The following KIF26A variants were observed in gnomAD, a reference collection of about 807,000 sequenced individuals.
KIF26A encodes the protein kinesin family member 26A, also known as kinesin-like protein KIF26A.
In KIF26A, 74 loss-of-function variants were observed where a neutral mutation model predicts 126.0. The ratio of observed to expected loss-of-function variants is 0.59; its 90% CI spans 0.49 to 0.71. The LOEUF (loss-of-function observed/expected upper bound fraction) is 0.71. KIF26A is among the 30% of genes least tolerant of loss of function. KIF26A has a pLI of 0.00. For synonymous variants in KIF26A, 1,445 were observed against 1,232.7 expected, an observed-to-expected ratio of 1.17 and a Z score of -3.61; for missense variants, 2,984 against 2,763.3, an observed-to-expected ratio of 1.08 and a Z score of -1.79.
intron 2 of KIF26A, among the ~76,000 whole-genome samples, chr14:104,142,383 G>T (rs1271756524): frequency 6.6e-6 from 1 of 151,570 alleles, no homozygotes; most frequent in African/African-American, 2.4e-5. Flanking sequence ...CTCAGGCCTT[G>T]TCTCCGGGCT....
chr14:104,174,078 T>A, intron 10 of KIF26A, 70 bp from the exon 11 acceptor site: 1 of 1,456,256 alleles, frequency 6.9e-7, no homozygotes, highest in Non-Finnish European at 9.1e-7. Flanking sequence ...ATCCCAGGGC[T>A]GCCCTTGGCC....
chr14:104,155,183 C>G (rs974221347), intron 3 of KIF26A, among the ~76,000 whole-genome samples: 113 of 152,318 alleles, frequency 7.4e-4, no homozygotes, highest in African/African-American at 2.6e-3. Flanking sequence ...CTTTCTCCCC[C>G]ACTTCTCAGC....
intron 3 of KIF26A, among the ~76,000 whole-genome samples, chr14:104,153,891 G>A (rs1319244335): frequency 6.6e-6 from 1 of 151,980 alleles, no homozygotes; most frequent in Non-Finnish European, 1.5e-5. Context: ...GCCCCTTGCT[G>A]GGCAGCCCTG....
rs1286388125 is a variant in KIF26A, at chr14:104,151,930, T to G, written c.289-85T>G. On this transcript the variant is annotated intron_variant, in intron 2 of 14. Transcript: ENST00000423312. This position sits in a 1 kb window ranked among gnomAD's most constrained non-coding sequence, Gnocchi z 4.9. Reference sequence around the variant, plus strand: ...GGCCAGGCGGGAGCTCGCAGCGTCATGGACGGTGAGAGTGCTGGTGGGCTC... The same window carrying G: ...GGCCAGGCGGGAGCTCGCAGCGTCAGGGACGGTGAGAGTGCTGGTGGGCTC... 16 of 1,232,808 alleles carry G rather than the reference T, an allele frequency of 1.3e-5. No homozygotes were observed. In the East Asian group the frequency reaches 3.7e-4, roughly 29 times the overall value. 76.4% of individuals were successfully genotyped at this position (1,232,808 alleles called of 1,614,324 possible).
At chr14:104,149,017 G>GGTTCT (rs1211016752) in intron 2 of KIF26A, among the ~76,000 whole-genome samples, 1 of 152,228 alleles carries the variant, frequency 6.6e-6, no homozygotes, top group Non-Finnish European at 1.5e-5. Flanking sequence ...GCAGCCCTGT[G>GGTTCT]GTTCTGTTCT....
chr14:104,169,354 G>A (rs61442173), intron 5 of KIF26A, among the ~76,000 whole-genome samples: 2,444 of 152,328 alleles, frequency 0.016, 65 homozygotes, highest in African/African-American at 0.055. Flanking sequence ...TCAGGAGCCC[G>A]CAACACTTTT....
At chr14:104,161,283 G>A (rs1178095023) in intron 4 of KIF26A, among the ~76,000 whole-genome samples, 2 of 151,600 alleles carry the variant, frequency 1.3e-5, no homozygotes, top group Middle Eastern at 3.4e-3. Flanking sequence ...GGTCCGGCAG[G>A]TGGCAGGTGC....
chr14:104,179,536 T>A, intron 14 of KIF26A, 73 bp from the exon 15 acceptor site: 1 of 1,442,172 alleles, frequency 6.9e-7, no homozygotes, highest in Non-Finnish European at 9.1e-7. Flanking sequence ...TCCTGGGGCC[T>A]CTGGGGGGCC....
At chr14:104,143,800 G>C (rs11625649) in intron 2 of KIF26A, among the ~76,000 whole-genome samples, 25,506 of 152,170 alleles carry the variant, frequency 0.17, 2,748 homozygotes, top group Middle Eastern at 0.26. Flanking sequence ...CACCCGCCTC[G>C]GGGATCCGCA....
rs887986950 is a variant in KIF26A, at chr14:104,152,451, C to G, written c.725C>G (p.Pro242Arg). The change falls in exon 3 of 15, where the codon CCG becomes CGG. Residue 242 changes from proline to arginine, a missense_variant. By Grantham distance (103) the Pro-to-Arg change is moderately radical. Transcript: ENST00000423312. This position sits in a 1 kb window ranked among gnomAD's most constrained non-coding sequence, Gnocchi z 5.9. ...TCGCGGGTCAACAGCTTCCTCCCGCCGGCGTGCCTGGTGAGTGTCTTGCTC... is the reference window on the plus strand; with the variant it reads ...TCGCGGGTCAACAGCTTCCTCCCGCGGGCGTGCCTGGTGAGTGTCTTGCTC... Reference protein sequence around the residue: ...SVSRVNSFLPPACLAEAAVAA... With the variant: ...SVSRVNSFLPRACLAEAAVAA... The G allele has an allele frequency of 6.4e-7, 1 of 1,574,076 alleles. No individual in the cohort carries two copies. The highest frequency in any genetic ancestry group is 1.4e-5 in the African/African-American group (1 of 73,872).
In KIF26A at chr14:104,173,002, G is replaced by C. The variant is rs1282452169; in HGVS notation, c.1446G>C (p.Lys482Asn). Residue 482 changes from lysine (K) to asparagine (N), a missense_variant, in exon 8 of 15, where the codon AAG (lysine) becomes AAC (asparagine). Physicochemically the swap from Lys to Asn is moderately conservative, Grantham distance 94 (BLOSUM62 0). Transcript: ENST00000423312. Reference protein sequence around the residue: ...SLGKSYTMIGKDSSPQSLGIV... With the variant: ...SLGKSYTMIGNDSSPQSLGIV... ...GCAAGTCGTACACCATGATCGGGAA[G>C]GACAGCTCACCCCAGAGCCTGGGCA... 9 of 1,602,158 alleles carry C rather than the reference G, an allele frequency of 5.6e-6. No homozygotes were observed. The highest frequency in any genetic ancestry group is 7.7e-6 in the Non-Finnish European group (9 of 1,174,072).
At chr14:104,141,862 T>C (rs1394164104) in intron 2 of KIF26A, among the ~76,000 whole-genome samples, 5 of 152,234 alleles carry the variant, frequency 3.3e-5, no homozygotes. Context: ...TCCCGAGAGT[T>C]CTTGGCCACT....
chr14:104,175,908 G>C lies in KIF26A; in HGVS notation c.3120G>C (p.Leu1040=). The change falls in exon 12 of 15, where the codon CTG becomes CTC. Residue 1040 remains leucine (L), a synonymous_variant. Transcript: ENST00000423312. ...DELVFTVVEE[L]SLGALAGAGR... ...TGGTGTTCACGGTGGTGGAGGAGCT[G>C]TCCCTGGGGGCGCTTGCCGGAGCTG... The C allele has an allele frequency of 6.5e-7, 1 of 1,545,420 alleles. No homozygotes were observed. The highest frequency in any genetic ancestry group is 8.7e-7 in the Non-Finnish European group (1 of 1,150,698).
At chr14:104,169,307 C>A (rs1246848240) in intron 5 of KIF26A, among the ~76,000 whole-genome samples, 1 of 152,252 alleles carries the variant, frequency 6.6e-6, no homozygotes, top group Non-Finnish European at 1.5e-5. Flanking sequence ...TTTGTGCCAT[C>A]CAGTTGGGGC....
rs1211663200 is a variant in KIF26A at position 104,176,726 on chromosome 14, T to C, written c.3938T>C (p.Leu1313Pro). The C allele has an allele frequency of 6.3e-7, 1 of 1,587,100 alleles. No homozygotes were observed. The highest frequency in any genetic ancestry group is 8.6e-7 in the Non-Finnish European group (1 of 1,167,638). ...IPPLRRGATTLGVTTPAVSWG... is the reference protein window; with the variant it reads ...IPPLRRGATTPGVTTPAVSWG... The stretch of plus-strand genomic sequence containing the variant: ...CCGCTGCGGAGGGGTGCCACCACGC[T>C]GGGTGTGACAACGCCAGCTGTGTCC... Residue 1313 changes from leucine to proline, a missense_variant, in exon 12 of 15, where the codon CTG (leucine) becomes CCG (proline). Coordinates refer to ENST00000423312, the MANE Select transcript of KIF26A (RefSeq NM_015656.2).
chr14:104,168,537 C>T (rs941720355), intron 5 of KIF26A, among the ~76,000 whole-genome samples: 8 of 152,126 alleles, frequency 5.3e-5, no homozygotes, highest in Admixed American at 1.3e-4. Flanking sequence ...CGGGTGGGGG[C>T]ATCAGGCAGT....
At chr14:104,157,004 G>A (rs1197899394) in intron 3 of KIF26A, among the ~76,000 whole-genome samples, 1 of 152,148 alleles carries the variant, frequency 6.6e-6, no homozygotes, top group Non-Finnish European at 1.5e-5. Context: ...CCGGGGCGAG[G>A]GGTGGCCAGG....
rs200362420 is a variant in KIF26A at position 104,175,052 on chromosome 14, G to A, written c.2264G>A (p.Arg755Gln). The A allele has an allele frequency of 1.4e-5, 22 of 1,578,964 alleles. No homozygotes were observed. The Admixed American group carries it at 3.6e-4, about 26-fold the overall frequency. The change falls in exon 12 of 15, where the codon CGG (arginine) becomes CAG (glutamine). Residue 755 changes from arginine to glutamine, a missense_variant. Arg to Gln is a conservative substitution (Grantham distance 43). Transcript: ENST00000423312. ...EGRARRPPHLRPFHPRTVALD... is the reference protein window; with the variant it reads ...EGRARRPPHLQPFHPRTVALD... The stretch of plus-strand genomic sequence containing the variant: ...CGGGCCCGTCGGCCCCCGCACCTGC[G>A]GCCCTTCCACCCACGCACTGTGGCC...
chr14:104,176,511 C>A lies in KIF26A; in HGVS notation c.3723C>A (p.Asp1241Glu), dbSNP rs1323557833. 1.9e-6 allele frequency: 3 copies of A among 1,605,142 alleles called. No individual in the cohort carries two copies. The highest frequency in any genetic ancestry group is 1.3e-5 in the African/African-American group (1 of 74,938). The change falls in exon 12 of 15, where the codon GAC becomes GAA. Residue 1241 changes from aspartate to glutamate, a missense_variant. By Grantham distance (45) the Asp-to-Glu change is conservative (BLOSUM62 2). Coordinates refer to ENST00000423312, the MANE Select transcript of KIF26A (RefSeq NM_015656.2). ...SPPGRGGLFE[D>E]PWLLRVGECD... ...CTGGCCGTGGAGGCCTGTTTGAGGA[C>A]CCATGGCTGCTCCGGGTAGGGGAGT... is the stretch of plus-strand genomic sequence containing the variant.
Sources: allele counts gnomAD v4.1 joint callset (sites outside exome capture counted in the v4.1 genomes callset), GRCh38; gene constraint gnomAD v4.1.1; non-coding constraint Gnocchi (gnomAD v3.1); transcripts MANE v1.5; gene names NCBI Gene and HGNC (gene_info 2026-07-23, HGNC 2026-07-21).